ACSL3: variants seen among roughly 807,000 people sequenced by gnomAD.
ACSL3 encodes acyl-CoA synthetase long chain family member 3, also known as fatty acid CoA ligase Acsl3.
Under a neutral mutation model 84.7 loss-of-function variants are expected in ACSL3, and 34 were observed. That is an observed-to-expected ratio of 0.40 (90% CI 0.31 to 0.53). ACSL3 has a LOEUF of 0.53. ACSL3 is among the 20% of genes least tolerant of loss of function. The pLI is 0.48. For missense variants in ACSL3, 680 were observed against 873.1 expected (o/e 0.78, Z 2.79); for synonymous variants, 315 against 299.4 (o/e 1.05, Z -0.54).
intron 2 of ACSL3, among the ~76,000 whole-genome samples, chr2:222,892,937 A>G (rs1032347495): frequency 6.6e-6 from 1 of 152,208 alleles, no homozygotes; most frequent in African/African-American, 2.4e-5. Context: ...GCCACATTTC[A>G]TACTAGCAAA....
intron 16 of ACSL3, among the ~76,000 whole-genome samples, chr2:222,940,373 C>T (rs1697270574): frequency 6.6e-6 from 1 of 152,108 alleles, no homozygotes; most frequent in East Asian, 1.9e-4. Flanking sequence ...TTCCTTTCTC[C>T]TGGATACCAG....
chr2:222,866,302 T>C (rs567993830), intron 1 of ACSL3, among the ~76,000 whole-genome samples: 143 of 152,186 alleles, frequency 9.4e-4, no homozygotes, highest in African/African-American at 3.1e-3. Context: ...CCCACCACCA[T>C]GCCCGGCTAA....
At chr2:222,930,122 G>A (rs565889701) in intron 13 of ACSL3, among the ~76,000 whole-genome samples, 1 of 151,934 alleles carries the variant, frequency 6.6e-6, no homozygotes, top group African/African-American at 2.4e-5. Flanking sequence ...TAGAGGTGGG[G>A]TTTCACCATG....
In ACSL3 at chr2:222,861,039, C is replaced by T. The variant is rs1053288682; in HGVS notation, c.-426C>T. On this transcript the variant is annotated 5_prime_UTR_variant, in exon 1 of 17. The change creates a new upstream start codon in the 5' untranslated region. Coordinates refer to ENST00000357430, the MANE Select transcript of ACSL3 (RefSeq NM_004457.5). The stretch of plus-strand genomic sequence containing the variant: ...GTCCCAGGCGGTTCCGCTCAACAGA[C>T]GCTGCTGTGGCTGCGCCGGGCTGCG... 8 of 152,322 alleles carry T rather than the reference C, an allele frequency of 5.3e-5. No homozygotes were observed. The highest frequency in any genetic ancestry group is 1.2e-4 in the African/African-American group (5 of 41,464). 9.4% of individuals were successfully genotyped at this position (152,322 alleles called of 1,614,324 possible).
At chr2:222,877,382 G>A (rs1003569122) in intron 1 of ACSL3, among the ~76,000 whole-genome samples, 1 of 152,174 alleles carries the variant, frequency 6.6e-6, no homozygotes, top group Non-Finnish European at 1.5e-5. Context: ...CAGATGGAAA[G>A]TTCCATGAGG....
At chr2:222,871,903 T>C (rs1452306229) in intron 1 of ACSL3, among the ~76,000 whole-genome samples, 1 of 152,184 alleles carries the variant, frequency 6.6e-6, no homozygotes, top group Non-Finnish European at 1.5e-5. Flanking sequence ...GTTATTATTA[T>C]TATTTTTGCT....
chr2:222,894,196 A>G (rs930605778), intron 2 of ACSL3, among the ~76,000 whole-genome samples: 1 of 152,164 alleles, frequency 6.6e-6, no homozygotes, highest in Non-Finnish European at 1.5e-5. Context: ...CCGTTACTTT[A>G]CTTACATTTG....
At chr2:222,924,430 T>C (rs1230965618) in intron 10 of ACSL3, 26 bp from the exon 11 acceptor site, 1 of 1,564,870 alleles carries the variant, frequency 6.4e-7, no homozygotes, top group Non-Finnish European at 8.6e-7. Flanking sequence ...TTATTAACTA[T>C]GTTAAACTCA....
intron 16 of ACSL3, among the ~76,000 whole-genome samples, chr2:222,940,001 A>G (rs1697264199): frequency 6.6e-6 from 1 of 152,216 alleles, no homozygotes; most frequent in South Asian, 2.1e-4. Context: ...AGCACTTTAC[A>G]TGTAGTAATA....
At chr2:222,888,751 A>G (rs1695777290) in intron 2 of ACSL3, among the ~76,000 whole-genome samples, 1 of 152,216 alleles carries the variant, frequency 6.6e-6, no homozygotes, top group South Asian at 2.1e-4. Flanking sequence ...CCTTATTTTC[A>G]TAGAGTGTAT....
intron 11 of ACSL3, 127 bp downstream of exon 11, chr2:222,924,722 T>G: frequency 1.7e-6 from 2 of 1,147,206 alleles, no homozygotes; most frequent in African/African-American, 1.6e-5. Context: ...AAGAGAACTC[T>G]TTAAAAAAAA....
intron 7 of ACSL3, 116 bp downstream of exon 7, chr2:222,919,318 C>A: frequency 7.9e-7 from 1 of 1,273,264 alleles, no homozygotes; most frequent in Non-Finnish European, 1.1e-6. Context: ...TTTCTAACAT[C>A]AGTTAGGAAA....
At chr2:222,913,177 C>T (rs1696489835) in intron 4 of ACSL3, among the ~76,000 whole-genome samples, 2 of 152,150 alleles carry the variant, frequency 1.3e-5, no homozygotes, top group South Asian at 4.1e-4. Flanking sequence ...GAGAAGACTT[C>T]ACTATGACAT....
intron 10 of ACSL3, among the ~76,000 whole-genome samples, chr2:222,923,554 CCAAA>C (rs951193098): frequency 2.0e-5 from 3 of 152,136 alleles, no homozygotes; most frequent in East Asian, 1.9e-4. Context: ...GGCCTAAACA[CCAAA>C]CAAAGTGACA....
rs1048565421 is a variant in ACSL3 at position 222,872,745 on chromosome 2, A to C, written c.-207+11487A>C. On this transcript the variant is annotated intron_variant, in intron 1 of 16. Coordinates refer to ENST00000357430, the MANE Select transcript of ACSL3 (RefSeq NM_004457.5). ...CTGTCTTGAGAGGCTTCTCTGAGGA[A>C]GTGGCATCCAACTGATCTAGGAGAA... Among the ~76,000 whole-genome samples, 6 of 151,822 alleles carry C rather than the reference A, an allele frequency of 4.0e-5. No individual in the cohort carries two copies. In the East Asian group the frequency reaches 5.8e-4, roughly 15 times the overall value.
chr2:222,896,839 A>C (rs1310931240), intron 2 of ACSL3, among the ~76,000 whole-genome samples: 1 of 7,288 alleles, frequency 1.4e-4, no homozygotes, highest in Non-Finnish European at 1.9e-4. Context: ...TGACCCCCCC[A>C]CCTCCCTCCC....
chr2:222,907,395 G>T (rs1269112829), intron 3 of ACSL3, among the ~76,000 whole-genome samples: 2 of 152,146 alleles, frequency 1.3e-5, no homozygotes, highest in African/African-American at 4.8e-5. Flanking sequence ...GCGTCACTTG[G>T]GAAGAAATCG....
At chr2:222,894,939 G>C (rs1695935693) in intron 2 of ACSL3, among the ~76,000 whole-genome samples, 2 of 152,092 alleles carry the variant, frequency 1.3e-5, no homozygotes, top group South Asian at 4.1e-4. Context: ...TCTCCCAGGT[G>C]TGTGTGTGTG....
chr2:222,895,171 A>G (rs1426629482), intron 2 of ACSL3, among the ~76,000 whole-genome samples: 1 of 152,054 alleles, frequency 6.6e-6, no homozygotes, highest in East Asian at 1.9e-4. Flanking sequence ...CTAGATGACT[A>G]TTTTATACTT....
Sources: allele counts gnomAD v4.1 joint callset (sites outside exome capture counted in the v4.1 genomes callset), GRCh38; gene constraint gnomAD v4.1.1; transcripts MANE v1.5; gene names NCBI Gene and HGNC (gene_info 2026-07-23, HGNC 2026-07-21).